Variants in PTPRD observed in about 807,000 individuals in gnomAD.
PTPRD encodes receptor-type tyrosine-protein phosphatase delta.
Under a neutral mutation model 214.5 loss-of-function variants are expected in PTPRD, and 34 were observed. That is an observed-to-expected ratio of 0.16 (90% CI 0.12 to 0.21). PTPRD has a LOEUF of 0.21. Among genes scored for constraint, PTPRD ranks in the 10% least tolerant of loss-of-function variants. The pLI is 1.00. For missense variants in PTPRD, 2,545 were observed against 2,398.7 expected (o/e 1.06, Z -1.27); for synonymous variants, 1,128 against 845.7 (o/e 1.33, Z -5.79).
At chr9:9,158,923 C>T (rs2154493045) in intron 10 of PTPRD, among the ~76,000 whole-genome samples, 1 of 152,254 alleles carries the variant, frequency 6.6e-6, no homozygotes, top group African/African-American at 2.4e-5. Context: ...ATCAATAAAT[C>T]TGATACACCA....
chr9:9,790,306 C>G (rs2147070), intron 5 of PTPRD, among the ~76,000 whole-genome samples: 19,221 of 152,006 alleles, frequency 0.13, 1,391 homozygotes, highest in South Asian at 0.22. Flanking sequence ...TCCTCCTCAT[C>G]ATCTAATTTG....
At chr9:10,584,142 C>G (rs1398241021) in intron 2 of PTPRD, among the ~76,000 whole-genome samples, 3 of 151,100 alleles carry the variant, frequency 2.0e-5, no homozygotes, top group African/African-American at 7.3e-5. Context: ...CTTCTCTCTC[C>G]TATATCACAA....
intron 8 of PTPRD, among the ~76,000 whole-genome samples, chr9:9,477,681 C>G (rs1046136059): frequency 3.9e-5 from 6 of 152,062 alleles, no homozygotes; most frequent in Non-Finnish European, 8.8e-5. Context: ...GACTCTGAAA[C>G]GTATTTCCCA....
chr9:10,140,019 A>G (rs2098971939), intron 3 of PTPRD, among the ~76,000 whole-genome samples: 1 of 152,034 alleles, frequency 6.6e-6, no homozygotes, highest in Admixed American at 6.6e-5. Flanking sequence ...GTTGCAACAA[A>G]AACAAAAATT....
intron 3 of PTPRD, among the ~76,000 whole-genome samples, chr9:10,277,890 G>A (rs2094813565): frequency 6.6e-6 from 1 of 152,304 alleles, no homozygotes; most frequent in South Asian, 2.1e-4. Context: ...CGGGCTCGGT[G>A]GCTCATGCCT....
intron 7 of PTPRD, among the ~76,000 whole-genome samples, chr9:9,675,002 A>T (rs893983156): frequency 1.3e-5 from 2 of 151,904 alleles, no homozygotes; most frequent in African/African-American, 4.8e-5. Context: ...ATAGAATTCT[A>T]GATAACAACT....
intron 2 of PTPRD, among the ~76,000 whole-genome samples, chr9:10,543,479 TACACAC>T (rs567757732): frequency 4.1e-5 from 6 of 145,082 alleles, no homozygotes; most frequent in Admixed American, 1.4e-4. Context: ...TATATATATA[TACACAC>T]ACACACACAC....
At chr9:8,848,313 C>CTCTTTTTTTTTTTTTTTTT (rs1338928285) in intron 11 of PTPRD, among the ~76,000 whole-genome samples, 1 of 132,668 alleles carries the variant, frequency 7.5e-6, no homozygotes, top group African/African-American at 2.8e-5. Flanking sequence ...AAGATTTTTC[C>CTCTTTTTTTTTTTTTTTTT]TTTTTTTTTT....
intron 8 of PTPRD, among the ~76,000 whole-genome samples, chr9:9,423,136 G>T (rs72702564): frequency 6.6e-6 from 1 of 152,114 alleles, no homozygotes; most frequent in African/African-American, 2.4e-5. Context: ...AAGATAGAGT[G>T]AATCTTCTCT....
intron 10 of PTPRD, among the ~76,000 whole-genome samples, chr9:9,019,122 T>C (rs80241555): frequency 0.031 from 4,677 of 152,120 alleles, 81 homozygotes; most frequent in East Asian, 0.068. Context: ...AAAGGGAGTA[T>C]TTCTTGTGTT....
At chr9:9,850,576 TG>T (rs1489672274) in intron 5 of PTPRD, among the ~76,000 whole-genome samples, 2 of 152,030 alleles carry the variant, frequency 1.3e-5, no homozygotes, top group East Asian at 1.9e-4. Flanking sequence ...AAATTAAAAT[TG>T]TATATATAGT....
At chr9:10,566,577 T>C (rs559001230) in intron 2 of PTPRD, among the ~76,000 whole-genome samples, 20 of 152,174 alleles carry the variant, frequency 1.3e-4, no homozygotes, top group African/African-American at 4.3e-4. Context: ...ATGTTCTGTA[T>C]ATTAGTTAAT....
chr9:10,420,602 C>T (rs4008062), intron 2 of PTPRD, among the ~76,000 whole-genome samples: 2 of 151,804 alleles, frequency 1.3e-5, no homozygotes, highest in Non-Finnish European at 2.9e-5. Flanking sequence ...TTACCATATT[C>T]TTCTCCAAGA....
At chr9:10,399,498 G>C (rs1169306650) in intron 2 of PTPRD, among the ~76,000 whole-genome samples, 1 of 151,936 alleles carries the variant, frequency 6.6e-6, no homozygotes, top group Non-Finnish European at 1.5e-5. Context: ...CAGTGGTGTA[G>C]ATGCTGAAAA....
chr9:8,327,160 G>T (rs561723149), intron 44 of PTPRD, among the ~76,000 whole-genome samples: 26 of 150,938 alleles, frequency 1.7e-4, no homozygotes, highest in Non-Finnish European at 3.7e-4. Flanking sequence ...TCTCTTGTGG[G>T]CATTTAGTGC....
intron 9 of PTPRD, among the ~76,000 whole-genome samples, chr9:9,368,558 G>A (rs1194856814): frequency 1.3e-5 from 2 of 151,796 alleles, no homozygotes; most frequent in Non-Finnish European, 2.9e-5. Context: ...AGGCTAGGTT[G>A]AGGCAATAAA....
chr9:8,790,984 T>C (rs1489675627), intron 11 of PTPRD, among the ~76,000 whole-genome samples: 1 of 152,124 alleles, frequency 6.6e-6, no homozygotes, highest in Non-Finnish European at 1.5e-5. Flanking sequence ...TTGAGGAAAG[T>C]GATAGTAGGC....
intron 39 of PTPRD, among the ~76,000 whole-genome samples, chr9:8,358,522 T>G (rs2077530531): frequency 6.6e-6 from 1 of 152,212 alleles, no homozygotes; most frequent in Non-Finnish European, 1.5e-5. Flanking sequence ...CATCATTTAT[T>G]TATTCTTCCA....
At chr9:8,754,483 A>G (rs12341980) in intron 11 of PTPRD, among the ~76,000 whole-genome samples, 7,694 of 152,236 alleles carry the variant, frequency 0.051, 482 homozygotes, top group African/African-American at 0.15. Context: ...ATACACAGCT[A>G]TGTCCCTGTA....
Sources: gnomAD v4.1 joint callset for allele counts (sites outside exome capture counted in the v4.1 genomes callset) on GRCh38, gnomAD v4.1.1 for gene constraint, MANE v1.5 for transcripts, NCBI Gene and HGNC (gene_info 2026-07-23, HGNC 2026-07-21) for gene names.